The following TRRAP variants were observed in gnomAD, a reference collection of about 807,000 sequenced individuals.
The protein encoded by TRRAP is transformation/transcription domain associated protein, also known as transformation/transcription domain-associated protein.
In TRRAP, 41 loss-of-function variants were observed where a neutral mutation model predicts 438.8. That is an observed-to-expected ratio of 0.09 (90% CI 0.07 to 0.12). TRRAP has a LOEUF of 0.12. Among genes scored for constraint, TRRAP ranks in the 10% least tolerant of loss-of-function variants. The pLI is 1.00. For synonymous variants in TRRAP, 1,994 were observed against 1,962.9 expected, an observed-to-expected ratio of 1.02 and a Z score of -0.42; for missense variants, 3,122 against 5,055.1, an observed-to-expected ratio of 0.62 and a Z score of 11.60.
rs1305418918 is a variant in TRRAP at position 98,981,795 on chromosome 7, G to A, written c.8661G>A (p.Met2887Ile). ...VQVEVSCPKE[M>I]AWKVNMYRGY... The stretch of plus-strand genomic sequence containing the variant: ...TGGAAGTGAGCTGTCCGAAGGAGAT[G>A]GCCTGGAAGGTGAACATGTACCGCG... The change falls in exon 59 of 73, where the codon ATG becomes ATA. Residue 2887 changes from methionine to isoleucine, a missense_variant. Transcript: ENST00000456197. 3 of 1,606,012 alleles carry A rather than the reference G, an allele frequency of 1.9e-6. No individual in the cohort carries two copies. In the African/African-American group the frequency reaches 4.0e-5, roughly 22 times the overall value.
rs767335828 is a variant in TRRAP at position 98,984,955 on chromosome 7, T to G, written c.9300T>G (p.Val3100=). ...TTTTTTTTGAACAGGGCCTTGAAGT[T>G]ATTGAATCTACAAATTTAAAATACT... ...GKNECMQGLE[V]IESTNLKYFT... Residue 3100 remains valine (V), a synonymous_variant, in exon 62 of 73, where the codon GTT becomes GTG. Coordinates refer to ENST00000456197, the MANE Select transcript of TRRAP (RefSeq NM_001375524.1). 5.0e-6 allele frequency: 8 copies of G among 1,610,674 alleles called. No homozygotes were observed. Among genetic ancestry groups the G allele is most frequent in the East Asian group, 2.2e-5 (1 of 44,796 alleles).
intron 19 of TRRAP, among the ~76,000 whole-genome samples, chr7:98,916,260 A>G (rs1789515248): frequency 6.6e-6 from 1 of 152,258 alleles, no homozygotes; most frequent in African/African-American, 2.4e-5. Context: ...GAACAAAAAA[A>G]GAAAAAGCAG....
chr7:98,956,553 T>C lies in TRRAP; in HGVS notation c.6231+20T>C, dbSNP rs782747141. The C allele has an allele frequency of 6.2e-7, 1 of 1,608,186 alleles. No homozygotes were observed. The highest frequency in any genetic ancestry group is 8.5e-7 in the Non-Finnish European group (1 of 1,178,172). On this transcript the variant is annotated intron_variant, in intron 43 of 72. Coordinates refer to ENST00000456197, the MANE Select transcript of TRRAP (RefSeq NM_001375524.1). This position sits in a 1 kb window ranked among gnomAD's most constrained non-coding sequence, Gnocchi z 4.5. Reference sequence around the variant, plus strand: ...AGTGCAGTAAGATCATGTGCCTCTGTATGGGTGCTGCGCATTCTGCTGGGA... The same window carrying C: ...AGTGCAGTAAGATCATGTGCCTCTGCATGGGTGCTGCGCATTCTGCTGGGA...
At chr7:98,945,867 CTTTTCTTTTCTTTTT>C in intron 32 of TRRAP, 48 bp from the exon 33 acceptor site, 1 of 1,566,844 alleles carries the variant, frequency 6.4e-7, no homozygotes, top group Non-Finnish European at 8.6e-7. Flanking sequence ...CTTTTCTTTT[CTTTTCTTTTCTTTTT>C]ACCTTTCTGT....
At chr7:98,881,777 G>T in intron 2 of TRRAP, 198 bp from the exon 3 acceptor site, 1 of 559,446 alleles carries the variant, frequency 1.8e-6, no homozygotes, top group Non-Finnish European at 3.2e-6. Flanking sequence ...ATGCTTGTCA[G>T]TGCATGCACG....
chr7:98,981,636 T>G, intron 58 of TRRAP, 133 bp from the exon 59 acceptor site: 1 of 870,584 alleles, frequency 1.1e-6, no homozygotes, highest in Non-Finnish European at 1.7e-6. Flanking sequence ...AGAAAATACA[T>G]TTCTATAGCC....
chr7:98,922,906 G>A (rs1460818515), intron 21 of TRRAP, among the ~76,000 whole-genome samples: 1 of 152,120 alleles, frequency 6.6e-6, no homozygotes, highest in Non-Finnish European at 1.5e-5. Context: ...CCCATGTAGT[G>A]GCTTCTGTGT....
At chr7:98,936,374 G>T (rs989567633) in intron 28 of TRRAP, among the ~76,000 whole-genome samples, 6 of 152,188 alleles carry the variant, frequency 3.9e-5, no homozygotes, top group Non-Finnish European at 8.8e-5. Flanking sequence ...GGGACCAGGG[G>T]TGACTGGCAG....
At chr7:99,003,201 C>T (rs1285473745) in intron 67 of TRRAP, among the ~76,000 whole-genome samples, 5 of 152,118 alleles carry the variant, frequency 3.3e-5, no homozygotes, top group East Asian at 3.9e-4. Context: ...CACTGGCGCT[C>T]GTCTGGGAGG....
intron 3 of TRRAP, among the ~76,000 whole-genome samples, chr7:98,888,701 G>C (rs138859544): frequency 2.0e-5 from 3 of 152,168 alleles, no homozygotes; most frequent in African/African-American, 7.2e-5. Context: ...GCTCCTACTT[G>C]CCTTTCAAGT....
At chr7:98,995,366 G>T (rs1793604812) in intron 67 of TRRAP, among the ~76,000 whole-genome samples, 3 of 150,426 alleles carry the variant, frequency 2.0e-5, no homozygotes, top group African/African-American at 7.4e-5. Context: ...TGGAAGACTG[G>T]GTCTGGGTGC....
intron 21 of TRRAP, among the ~76,000 whole-genome samples, chr7:98,922,969 G>T (rs1334216869): frequency 3.9e-5 from 6 of 152,072 alleles, no homozygotes; most frequent in African/African-American, 7.2e-5. Flanking sequence ...CGTCACTCTG[G>T]AGTTGTTTTC....
At chr7:98,897,696 T>G (rs1250728143) in intron 7 of TRRAP, 45 bp from the exon 8 acceptor site, 1 of 1,568,238 alleles carries the variant, frequency 6.4e-7, no homozygotes, top group South Asian at 1.2e-5. Context: ...TGAATGAATA[T>G]TGGGTTTGAC....
At chr7:98,946,461 C>T (rs1292268476) in intron 33 of TRRAP, among the ~76,000 whole-genome samples, 3 of 150,600 alleles carry the variant, frequency 2.0e-5, no homozygotes, top group Non-Finnish European at 4.4e-5. Context: ...AACACGCGTG[C>T]ACACAGACCA....
rs146284771 is a variant in TRRAP at position 98,906,099 on chromosome 7, T to A, written c.1037-78T>A. ...CATATCAGACTGGCGGGCTGGCTAC[T>A]TCGAAAGCACTGTAAAGTAATTTAA... On this transcript the variant is annotated intron_variant, in intron 12 of 72. Transcript: ENST00000456197. 376 of 1,371,164 alleles carry A rather than the reference T, an allele frequency of 2.7e-4. No individual in the cohort carries two copies. The African/African-American group carries it at 4.2e-3, about 15-fold the overall frequency. The allele number at this position is 1,371,164 out of a possible 1,614,324, so 84.9% of individuals were successfully genotyped here.
chr7:98,912,442 A>G (rs1271553413), intron 18 of TRRAP, among the ~76,000 whole-genome samples: 1 of 150,084 alleles, frequency 6.7e-6, no homozygotes, highest in East Asian at 2.0e-4. Flanking sequence ...GTGACTCTTT[A>G]TATTTATAAA....
intron 6 of TRRAP, among the ~76,000 whole-genome samples, chr7:98,894,197 C>T (rs1796093025): frequency 6.6e-6 from 1 of 152,128 alleles, no homozygotes; most frequent in South Asian, 2.1e-4. Context: ...GGCTCTGAAG[C>T]CAGAGCCGGG....
Position 99,003,208 on chromosome 7 carries a change from G to T in TRRAP, c.10310-982G>T, listed in dbSNP as rs150241775. 1.8e-4 allele frequency among the ~76,000 whole-genome samples: 28 copies of T among 152,326 alleles called. No homozygotes were observed. The East Asian group carries it at 5.4e-3, about 29-fold the overall frequency. Reference sequence around the variant, plus strand: ...CCTTCCAGCACTGGCGCTCGTCTGGGAGGAAGTCGAGGCGTTCTACAGAAA... The same window carrying T: ...CCTTCCAGCACTGGCGCTCGTCTGGTAGGAAGTCGAGGCGTTCTACAGAAA... On this transcript the variant is annotated intron_variant, in intron 67 of 72. Transcript: ENST00000456197.
Position 99,008,448 on chromosome 7 carries a change from G to A in TRRAP, c.10825G>A (p.Glu3609Lys). Residue 3609 changes from glutamate to lysine, a missense_variant, in exon 70 of 73, where the codon GAG becomes AAG. By Grantham distance (56) the Glu-to-Lys change is moderately conservative. Transcript: ENST00000456197. ...CAACCCCTCTTCACTTTCCCTTGTG[G>A]AGATCTACAAGCAGCGCTGCGCCAA... ...EDNPSSLSLVEIYKQRCAKKG... is the reference protein window; with the variant it reads ...EDNPSSLSLVKIYKQRCAKKG... The A allele has an allele frequency of 1.2e-6, 2 of 1,614,020 alleles. No homozygotes were observed. The highest frequency in any genetic ancestry group is 8.5e-7 in the Non-Finnish European group (1 of 1,179,976).
Sources: allele counts gnomAD v4.1 joint callset (sites outside exome capture counted in the v4.1 genomes callset), GRCh38; gene constraint gnomAD v4.1.1; non-coding constraint Gnocchi (gnomAD v3.1); transcripts MANE v1.5; gene names NCBI Gene and HGNC (gene_info 2026-07-23, HGNC 2026-07-21).